Variants in NSD1 observed in about 807,000 individuals in gnomAD.
The protein encoded by NSD1 is histone-lysine N-methyltransferase, H3 lysine-36 specific.
NSD1 carries 26 observed loss-of-function variants against 242.7 expected under a neutral mutation model. The ratio of observed to expected loss-of-function variants is 0.11; its 90% CI spans 0.08 to 0.15. The LOEUF is 0.15. NSD1 is among the 10% of genes least tolerant of loss of function. The probability of loss-of-function intolerance (pLI) is 1.00; values close to 1 mark genes in which losing one functional copy is unlikely to be tolerated. For synonymous variants in NSD1, 1,106 were observed against 1,178.1 expected, an observed-to-expected ratio of 0.94 and a Z score of 1.25; for missense variants, 2,495 against 3,272.8, an observed-to-expected ratio of 0.76 and a Z score of 5.80.
intron 9 of NSD1, among the ~76,000 whole-genome samples, chr5:177,245,973 T>A (rs1766257600): frequency 6.7e-6 from 1 of 149,824 alleles, no homozygotes; most frequent in African/African-American, 2.5e-5. Context: ...TTTTTTTATT[T>A]ATTTTTTTTT....
At chr5:177,141,169 C>T (rs1247681469) in intron 2 of NSD1, among the ~76,000 whole-genome samples, 6 of 151,736 alleles carry the variant, frequency 4.0e-5, no homozygotes. Flanking sequence ...TTACAGGCGC[C>T]CGCCACCGCA....
intron 5 of NSD1, among the ~76,000 whole-genome samples, chr5:177,226,676 C>T (rs1024928549): frequency 2.6e-5 from 4 of 152,090 alleles, no homozygotes; most frequent in East Asian, 1.9e-4. Flanking sequence ...TGAAATTTCA[C>T]TTCATAGTTG....
rs1763383047 is a variant in NSD1, at chr5:177,211,993, G to C, written c.3594G>C (p.Glu1198Asp). 1 of 1,613,640 alleles carries C rather than the reference G, an allele frequency of 6.2e-7. No individual in the cohort carries two copies. The highest frequency in any genetic ancestry group is 1.3e-5 in the African/African-American group (1 of 75,034). Residue 1198 changes from glutamate to aspartate, a missense_variant, in exon 5 of 23, where the codon GAG (glutamate) becomes GAC (aspartate). Physicochemically the swap from Glu to Asp is conservative, Grantham distance 45. This residue lies in a region of NSD1 where 426 missense variants were observed against 411.4 expected (regional missense o/e 1.04). Coordinates refer to ENST00000439151, the MANE Select transcript of NSD1 (RefSeq NM_022455.5). ...TACTTCCTAGTGACCCTGTGCAGGA[G>C]GGGCGGGATGAGTTTCCAGAGCATA... is the stretch of plus-strand genomic sequence containing the variant. ...RVLLPSDPVQEGRDEFPEHRT... is the reference protein window; with the variant it reads ...RVLLPSDPVQDGRDEFPEHRT...
At chr5:177,151,718 G>T (rs1346147190) in intron 2 of NSD1, among the ~76,000 whole-genome samples, 1 of 149,818 alleles carries the variant, frequency 6.7e-6, no homozygotes. Context: ...TTGAGACAGG[G>T]TCTCACTCTG....
chr5:177,175,593 C>G (rs1467978842), intron 2 of NSD1, among the ~76,000 whole-genome samples: 1 of 151,926 alleles, frequency 6.6e-6, no homozygotes, highest in Non-Finnish European at 1.5e-5. Context: ...TAGGCCACAG[C>G]ACATTAGCCT....
intron 11 of NSD1, among the ~76,000 whole-genome samples, chr5:177,250,596 A>G (rs1318059513): frequency 6.7e-6 from 1 of 149,526 alleles, no homozygotes. Flanking sequence ...TAGAAACGTT[A>G]TTGGCACTCT....
intron 5 of NSD1, among the ~76,000 whole-genome samples, chr5:177,212,502 C>CT (rs1763437184): frequency 2.0e-5 from 1 of 49,834 alleles, no homozygotes; most frequent in Admixed American, 2.1e-4. Flanking sequence ...TTTTTTTTTT[C>CT]TAATTTTTTT....
rs61538775 is a variant in NSD1 at position 177,264,028 on chromosome 5, A to ATTTTTTTTTTTTTTTTTTTTT, written c.5147-3528_5147-3508dup. Among the ~76,000 whole-genome samples the ATTTTTTTTTTTTTTTTTTTTT allele has an allele frequency of 1.9e-3, 142 of 76,380 alleles. 26 individuals are homozygous for ATTTTTTTTTTTTTTTTTTTTT. The highest frequency in any genetic ancestry group is 0.017 in the Middle Eastern group (2 of 118). The allele number at this position is 76,380 out of a possible 152,430, so 50.1% of individuals were successfully genotyped here. On this transcript the variant is annotated intron_variant, in intron 14 of 22. Coordinates refer to ENST00000439151, the MANE Select transcript of NSD1 (RefSeq NM_022455.5). ...AAGATGCATATGACTCAATGAACCA[A>ATTTTTTTTTTTTTTTTTTTTT]TTTTTTTTTTTTTTTTTTTTTTTTT...
intron 5 of NSD1, among the ~76,000 whole-genome samples, chr5:177,233,294 C>T (rs1765196754): frequency 1.3e-5 from 2 of 151,862 alleles, no homozygotes; most frequent in South Asian, 4.2e-4. Flanking sequence ...GTATTGAATT[C>T]CTGGGCTCAA....
chr5:177,207,592 A>ATTTTTTTTTTT (rs1562201568), intron 4 of NSD1, among the ~76,000 whole-genome samples: 1 of 100,116 alleles, frequency 1.0e-5, no homozygotes, highest in African/African-American at 5.7e-5. Flanking sequence ...TATTTATTTA[A>ATTTTTTTTTTT]ATTTTTTTTT....
intron 9 of NSD1, 126 bp downstream of exon 9, chr5:177,244,396 C>G (rs1766117461): frequency 1.4e-6 from 1 of 713,706 alleles, no homozygotes; most frequent in Admixed American, 2.3e-5. Flanking sequence ...AACTGGTTTG[C>G]CCAAAATCTG....
chr5:177,160,914 A>G (rs1280155779), intron 2 of NSD1, among the ~76,000 whole-genome samples: 1 of 151,868 alleles, frequency 6.6e-6, no homozygotes, highest in Non-Finnish European at 1.5e-5. Flanking sequence ...GACTACAGCC[A>G]TGAGCCACCA....
At chr5:177,188,732 T>C (rs1160782269) in intron 2 of NSD1, among the ~76,000 whole-genome samples, 2 of 152,104 alleles carry the variant, frequency 1.3e-5, no homozygotes, top group Non-Finnish European at 2.9e-5. Context: ...AGGCTGGCCT[T>C]GAACGCCCAG....
Position 177,251,826 on chromosome 5 carries a change from A to C in NSD1, c.4738A>C (p.Lys1580Gln). 1 of 1,614,218 alleles carries C rather than the reference A, an allele frequency of 6.2e-7. No individual in the cohort carries two copies. The highest frequency in any genetic ancestry group is 8.5e-7 in the Non-Finnish European group (1 of 1,180,036). The change falls in exon 12 of 23, where the codon AAA (lysine) becomes CAA (glutamine). Residue 1580 changes from lysine to glutamine, a missense_variant. Coordinates refer to ENST00000439151, the MANE Select transcript of NSD1 (RefSeq NM_022455.5). ...TGGATTGACTGAGATGCCAAGAGGAAAATTTATCTGCAATGAATGTCGCAC... is the reference window on the plus strand; with the variant it reads ...TGGATTGACTGAGATGCCAAGAGGACAATTTATCTGCAATGAATGTCGCAC... ...CLGLTEMPRG[K>Q]FICNECRTGI...
chr5:177,252,005 A>C, intron 12 of NSD1, 152 bp downstream of exon 12: 1 of 916,536 alleles, frequency 1.1e-6, no homozygotes. Context: ...CTTTCAGAAA[A>C]GCTACCAAGT....
chr5:177,199,205 TA>T (rs1390174895), intron 3 of NSD1, among the ~76,000 whole-genome samples: 1 of 152,258 alleles, frequency 6.6e-6, no homozygotes, highest in South Asian at 2.1e-4. Flanking sequence ...TAGACCAATG[TA>T]AGTGTTCTGA....
rs199774436 is a variant in NSD1, at chr5:177,295,203, C to T, written c.7835C>T (p.Thr2612Ile). 3.1e-6 allele frequency: 5 copies of T among 1,614,132 alleles called. No homozygotes were observed. Among genetic ancestry groups the T allele is most frequent in the Non-Finnish European group, 3.4e-6 (4 of 1,180,058 alleles). Reference protein sequence around the residue: ...SLGKAPASLPTEEKKLVTTEQ... With the variant: ...SLGKAPASLPIEEKKLVTTEQ... The stretch of plus-strand genomic sequence containing the variant: ...GGGAAGGCCCCAGCCTCCCTCCCCA[C>T]TGAAGAAAAGAAGTTGGTAACCACA... Residue 2612 changes from threonine to isoleucine, a missense_variant, in exon 23 of 23, where the codon ACT (threonine) becomes ATT (isoleucine). This residue lies in a region of NSD1 where 475 missense variants were observed against 563.7 expected (regional missense o/e 0.84). Coordinates refer to ENST00000439151, the MANE Select transcript of NSD1 (RefSeq NM_022455.5). The surrounding 1 kb of genome is among the most constrained non-coding windows in gnomAD (Gnocchi z 4.3).
chr5:177,292,256 C>A, intron 22 of NSD1, 98 bp downstream of exon 22: 1 of 1,188,484 alleles, frequency 8.4e-7, no homozygotes, highest in South Asian at 1.3e-5. Context: ...GCCATTTGGT[C>A]TTTCCATGCA....
intron 2 of NSD1, among the ~76,000 whole-genome samples, chr5:177,158,256 T>C (rs1337774927): frequency 1.1e-5 from 1 of 92,760 alleles, no homozygotes; most frequent in Non-Finnish European, 2.0e-5. Context: ...TTTCTTTCTT[T>C]CTTTCTTTCT....
Sources: allele counts gnomAD v4.1 joint callset (sites outside exome capture counted in the v4.1 genomes callset), GRCh38; gene constraint gnomAD v4.1.1; regional missense constraint gnomAD v4.1.1; non-coding constraint Gnocchi (gnomAD v3.1); transcripts MANE v1.5; gene names NCBI Gene and HGNC (gene_info 2026-07-23, HGNC 2026-07-21).